Variants in PCDH15 observed in about 807,000 individuals in gnomAD.
PCDH15 encodes the protein protocadherin-15.
In PCDH15, 129 loss-of-function variants were observed where a neutral mutation model predicts 178.5. That is an observed-to-expected ratio of 0.72 (90% CI 0.63 to 0.84). PCDH15 has a LOEUF of 0.84. Ranked by LOEUF, PCDH15 falls within the 40% of genes least tolerant of loss-of-function variation. The pLI is 0.00. For missense variants in PCDH15, 2,230 were observed against 2,099.9 expected (o/e 1.06, Z -1.21); for synonymous variants, 800 against 732.0 (o/e 1.09, Z -1.50).
At chr10:54,190,027 T>C (rs2048847966) in intron 11 of PCDH15, among the ~76,000 whole-genome samples, 2 of 151,970 alleles carry the variant, frequency 1.3e-5, no homozygotes. Flanking sequence ...TCTTTTCCTT[T>C]CTTTTCAGTA....
chr10:55,144,270 G>GA (rs375219689), intron 2 of PCDH15, among the ~76,000 whole-genome samples: 1,131 of 37,434 alleles, frequency 0.03, 12 homozygotes, highest in East Asian at 0.11. Context: ...TTACGGCTGA[G>GA]AAAAAAAAAA....
At chr10:54,601,179 C>CA (rs2092510856) in intron 2 of PCDH15, among the ~76,000 whole-genome samples, 1 of 151,604 alleles carries the variant, frequency 6.6e-6, no homozygotes, top group African/African-American at 2.4e-5. Flanking sequence ...GAAACATAGT[C>CA]AAAAAATAAA....
At chr10:54,410,205 G>A (rs1187689737) in intron 3 of PCDH15, among the ~76,000 whole-genome samples, 1 of 152,108 alleles carries the variant, frequency 6.6e-6, no homozygotes, top group Non-Finnish European at 1.5e-5. Flanking sequence ...AATTTGGGAA[G>A]GGATGGATTT....
intron 2 of PCDH15, among the ~76,000 whole-genome samples, chr10:55,506,950 T>A (rs925312874): frequency 6.6e-6 from 1 of 151,476 alleles, no homozygotes; most frequent in Non-Finnish European, 1.5e-5. Flanking sequence ...GATTAACACA[T>A]GAAATAGTAA....
intron 1 of PCDH15, among the ~76,000 whole-genome samples, chr10:54,774,200 T>C (rs964879238): frequency 5.3e-5 from 8 of 151,834 alleles, no homozygotes; most frequent in African/African-American, 1.9e-4. Flanking sequence ...AGCTAATTTT[T>C]TGTATTTTTA....
chr10:53,826,805 AAAG>A (rs1197281358), intron 32 of PCDH15, among the ~76,000 whole-genome samples: 1 of 152,130 alleles, frequency 6.6e-6, no homozygotes, highest in Non-Finnish European at 1.5e-5. Flanking sequence ...TAAAGTGAAA[AAAG>A]CATTTTCTAA....
At chr10:54,232,803 GT>G in intron 9 of PCDH15, among the ~76,000 whole-genome samples, 1 of 150,868 alleles carries the variant, frequency 6.6e-6, no homozygotes, top group East Asian at 1.9e-4. Context: ...TGTTAATTTT[GT>G]TGATGATTTC....
chr10:54,882,893 C>T (rs1356457208), intron 3 of PCDH15, among the ~76,000 whole-genome samples: 5 of 151,942 alleles, frequency 3.3e-5, no homozygotes, highest in South Asian at 2.1e-4. Flanking sequence ...CATAAACAGT[C>T]GGTTTTTATG....
intron 3 of PCDH15, among the ~76,000 whole-genome samples, chr10:54,889,500 G>GATATATATAT (rs397688090): frequency 3.5e-4 from 49 of 142,014 alleles, no homozygotes; most frequent in African/African-American, 7.5e-4. Flanking sequence ...TAATTGTGAA[G>GATATATATAT]ATATATATAT....
chr10:55,607,753 TG>T (rs368492933), intron 2 of PCDH15, among the ~76,000 whole-genome samples: 5,527 of 80,080 alleles, frequency 0.069, 289 homozygotes, highest in East Asian at 0.35. Flanking sequence ...TGTTGTGGGG[TG>T]GGGGGAGGGG....
intron 3 of PCDH15, among the ~76,000 whole-genome samples, chr10:54,437,898 C>T (rs527491142): frequency 6.6e-6 from 1 of 152,270 alleles, no homozygotes; most frequent in African/African-American, 2.4e-5. Flanking sequence ...TCCCTCTCAT[C>T]ACTACCTTTA....
intron 8 of PCDH15, among the ~76,000 whole-genome samples, chr10:54,274,615 ATTGT>A (rs1237846106): frequency 7.6e-4 from 62 of 81,152 alleles, no homozygotes; most frequent in African/African-American, 2.5e-3. Flanking sequence ...ACTCAGTTTA[ATTGT>A]GTGTGTGTGT....
At chr10:53,809,565 C>CA (rs1183357687) in intron 37 of PCDH15, 8 of 1,601,568 alleles carry the variant, frequency 5.0e-6, no homozygotes. Context: ...TGTGAAAATG[C>CA]AATTGAAGTG....
At chr10:54,468,719 G>C (rs546357109) in intron 3 of PCDH15, among the ~76,000 whole-genome samples, 1 of 152,136 alleles carries the variant, frequency 6.6e-6, no homozygotes, top group African/African-American at 2.4e-5. Context: ...TTGTCAAGAT[G>C]ATCTGTCCAA....
At chr10:55,413,925 A>C (rs959968756) in intron 2 of PCDH15, among the ~76,000 whole-genome samples, 11 of 151,636 alleles carry the variant, frequency 7.3e-5, no homozygotes, top group Admixed American at 2.0e-4. Flanking sequence ...GCAGTCAAAA[A>C]TAACCATGTC....
chr10:55,371,225 C>T lies in PCDH15; in HGVS notation c.-155-204574G>A, dbSNP rs1845500438. On this transcript the variant is annotated intron_variant, in intron 2 of 5. Transcript: ENST00000613346. ...GAAGTTAATTATAGGGAGACTACTA[C>T]AGACTGATTATTCTCAAATGTGATC... Among the ~76,000 whole-genome samples, 4 of 152,082 alleles carry T rather than the reference C, an allele frequency of 2.6e-5. No individual in the cohort carries two copies. The South Asian group carries it at 8.3e-4, about 31-fold the overall frequency.
At chr10:55,499,565 T>C (rs1030475431) in intron 2 of PCDH15, among the ~76,000 whole-genome samples, 1 of 151,736 alleles carries the variant, frequency 6.6e-6, no homozygotes, top group Non-Finnish European at 1.5e-5. Flanking sequence ...CTTTTAAAAT[T>C]CTTATACAAT....
At chr10:54,018,933 A>T (rs1306631318) in intron 20 of PCDH15, among the ~76,000 whole-genome samples, 1 of 152,078 alleles carries the variant, frequency 6.6e-6, no homozygotes, top group Non-Finnish European at 1.5e-5. Flanking sequence ...AAATCAAAAC[A>T]TGTATACTAA....
At position 54,568,186 on chromosome 10, in the gene PCDH15, T is replaced by C. The variant is rs558232982; in HGVS notation, c.92-40309A>G. 5.3e-5 allele frequency among the ~76,000 whole-genome samples: 8 copies of C among 152,158 alleles called. No homozygotes were observed. In the South Asian group the frequency reaches 1.7e-3, roughly 32 times the overall value. The stretch of plus-strand genomic sequence containing the variant: ...GCTGTAATTAAACATGATAAGTACT[T>C]CCCCATGTTAGTAAGGCCTGTGAAT... On this transcript the variant is annotated intron_variant, in intron 2 of 37. Coordinates refer to ENST00000644397, the MANE Select transcript of PCDH15 (RefSeq NM_001384140.1).
Sources: allele counts gnomAD v4.1 joint callset (sites outside exome capture counted in the v4.1 genomes callset), GRCh38; gene constraint gnomAD v4.1.1; transcripts MANE v1.5; gene names NCBI Gene and HGNC (gene_info 2026-07-23, HGNC 2026-07-21).